The following DCAF6 variants were observed in gnomAD, a reference collection of about 807,000 sequenced individuals.
DCAF6 encodes the protein DDB1 and CUL4 associated factor 6, also known as DDB1- and CUL4-associated factor 6.
Under a neutral mutation model 125.1 loss-of-function variants are expected in DCAF6, and 54 were observed. That is an observed-to-expected ratio of 0.43 (90% confidence interval 0.35 to 0.54). The LOEUF is 0.54. DCAF6 is among the 20% of genes least tolerant of loss of function. The pLI is 0.01. For synonymous variants in DCAF6, 371 were observed against 390.4 expected (o/e 0.95, Z 0.58); for missense variants, 934 against 1,161.7 (o/e 0.80, Z 2.85).
intron 2 of DCAF6, among the ~76,000 whole-genome samples, chr1:167,964,567 G>A (rs1453228988): frequency 6.6e-6 from 1 of 152,142 alleles, no homozygotes; most frequent in Admixed American, 6.5e-5. Flanking sequence ...GAGCTTACTG[G>A]ATCTATGGTT....
chr1:167,869,074 C>T, the DCAF6 span, among the ~76,000 whole-genome samples: 1 of 152,118 alleles, frequency 6.6e-6, no homozygotes, highest in Admixed American at 6.5e-5. Flanking sequence ...TAGTTAAAGA[C>T]GTAGTTAAAG....
At chr1:167,962,713 T>C (rs991106070) in intron 2 of DCAF6, among the ~76,000 whole-genome samples, 1 of 152,178 alleles carries the variant, frequency 6.6e-6, no homozygotes, top group Non-Finnish European at 1.5e-5. Context: ...CCCAGCACTT[T>C]GGGAGGTCGA....
At chr1:168,044,727 T>C in intron 15 of DCAF6, 56 bp downstream of exon 15, 1 of 1,483,634 alleles carries the variant, frequency 6.7e-7, no homozygotes, top group Non-Finnish European at 9.4e-7. Context: ...AGCCTTAATC[T>C]ATGTTAATCT....
chr1:167,988,613 T>G (rs1680358444), intron 5 of DCAF6, among the ~76,000 whole-genome samples: 1 of 151,616 alleles, frequency 6.6e-6, no homozygotes, highest in South Asian at 2.1e-4. Context: ...GTAAATGAAA[T>G]AAGAAAGTAC....
chr1:167,974,823 GT>G lies in DCAF6; in HGVS notation c.253-3del. 6.6e-7 allele frequency: 1 copy of G among 1,512,718 alleles called. No individual in the cohort carries two copies. Among genetic ancestry groups the G allele is most frequent in the South Asian group, 1.4e-5 (1 of 70,768 alleles). The allele number at this position is 1,512,718 out of a possible 1,614,324, so 93.7% of individuals were successfully genotyped here. On this transcript the variant is annotated splice_region_variant and splice_polypyrimidine_tract_variant and intron_variant, in intron 3 of 21. Transcript: ENST00000367840. ...TTACCATTAACTGCTTTCTTTGTGT[GT>G]TTTAGGTTTTGACAACAATTCGTTC...
chr1:167,921,573 C>T, the DCAF6 span, among the ~76,000 whole-genome samples: 1 of 152,136 alleles, frequency 6.6e-6, no homozygotes, highest in African/African-American at 2.4e-5. Context: ...GGCCATTTCT[C>T]TTCTGTGTTT....
At chr1:167,905,763 GC>G in the DCAF6 span, among the ~76,000 whole-genome samples, 4 of 149,646 alleles carry the variant, frequency 2.7e-5, no homozygotes, top group Non-Finnish European at 5.9e-5. Flanking sequence ...TGTGTGTGTG[GC>G]AGCTGGAAAG....
the DCAF6 span, chr1:167,870,184 A>G: frequency 6.5e-7 from 1 of 1,542,042 alleles, no homozygotes; most frequent in Non-Finnish European, 9.0e-7. Flanking sequence ...GGCAAGTTAT[A>G]GGAAGGAGAG....
the DCAF6 span, among the ~76,000 whole-genome samples, chr1:167,899,781 T>G: frequency 4.6e-5 from 7 of 152,214 alleles, no homozygotes; most frequent in African/African-American, 9.7e-5. Flanking sequence ...ATGGCATACC[T>G]CTTTTGGGCT....
the DCAF6 span, among the ~76,000 whole-genome samples, chr1:167,926,826 C>G: frequency 6.6e-6 from 1 of 152,180 alleles, no homozygotes; most frequent in Admixed American, 6.5e-5. Flanking sequence ...TTCTCAATAT[C>G]CTGCTTAGTC....
At position 168,041,892 on chromosome 1, in the gene DCAF6, G is replaced by A. The variant is rs753106040; in HGVS notation, c.1728-1133G>A. On this transcript the variant is annotated intron_variant, in intron 13 of 21. Coordinates refer to ENST00000367840, the MANE Select transcript of DCAF6 (RefSeq NM_001198956.2). ...GGTTTAAAAGAAATACATGTTTGTC[G>A]CGCACACACACACACACACACACAC... Among the ~76,000 whole-genome samples the A allele has an allele frequency of 3.8e-4, 46 of 119,848 alleles. 1 individual carries two copies. In the South Asian group the frequency reaches 0.011, roughly 29 times the overall value. The allele number at this position is 119,848 out of a possible 152,430, so 78.6% of individuals were successfully genotyped here. A position where few individuals can be genotyped will look rare whatever the true frequency, so the allele number is the denominator to read the frequency against.
At chr1:168,013,194 CATTT>C (rs1684530943) in intron 10 of DCAF6, among the ~76,000 whole-genome samples, 1 of 152,218 alleles carries the variant, frequency 6.6e-6, no homozygotes, top group South Asian at 2.1e-4. Flanking sequence ...TGAGCATCAC[CATTT>C]GTTTGTCAAT....
intron 1 of DCAF6, among the ~76,000 whole-genome samples, chr1:167,942,149 T>C (rs1028533579): frequency 2.0e-5 from 3 of 152,224 alleles, no homozygotes; most frequent in Admixed American, 1.3e-4. Context: ...TACCGCAACC[T>C]CTGCCTGCTG....
chr1:168,036,530 TA>T (rs1484281600), intron 12 of DCAF6, among the ~76,000 whole-genome samples: 1 of 152,238 alleles, frequency 6.6e-6, no homozygotes, highest in Non-Finnish European at 1.5e-5. Flanking sequence ...ATCCAATCTT[TA>T]GCTGTCTGTT....
chr1:167,895,661 A>G, the DCAF6 span, among the ~76,000 whole-genome samples: 72 of 152,172 alleles, frequency 4.7e-4, no homozygotes, highest in Non-Finnish European at 9.6e-4. Context: ...CTGTCCTAGA[A>G]TTCAGGACAA....
In DCAF6 at chr1:167,949,945, C is replaced by T. The variant is rs559599874; in HGVS notation, c.98-1855C>T. Among the ~76,000 whole-genome samples, 26 of 152,186 alleles carry T rather than the reference C, an allele frequency of 1.7e-4. No individual in the cohort carries two copies. In the South Asian group the frequency reaches 4.8e-3, roughly 28 times the overall value. ...AAGCACACTTTATGAGATGTCTGGA[C>T]GATGCAATAAATTTTATCTCCAAAG... On this transcript the variant is annotated intron_variant, in intron 1 of 21. Coordinates refer to ENST00000367840, the MANE Select transcript of DCAF6 (RefSeq NM_001198956.2).
intron 17 of DCAF6, chr1:168,055,801 A>G (rs1182215344): frequency 2.1e-5 from 17 of 824,048 alleles, no homozygotes; most frequent in Non-Finnish European, 3.0e-5. Flanking sequence ...CCCATCGGTA[A>G]TACTAAAAGT....
chr1:167,877,327 A>G, the DCAF6 span, among the ~76,000 whole-genome samples: 14 of 151,442 alleles, frequency 9.2e-5, no homozygotes, highest in Non-Finnish European at 1.9e-4. Flanking sequence ...ATTATTATTC[A>G]TTCATGTATT....
At chr1:168,017,433 T>C (rs991197435) in intron 11 of DCAF6, among the ~76,000 whole-genome samples, 1 of 152,102 alleles carries the variant, frequency 6.6e-6, no homozygotes, top group Admixed American at 6.5e-5. Context: ...AAGTATACAT[T>C]GTAGATGTTG....
Sources: allele counts gnomAD v4.1 joint callset (sites outside exome capture counted in the v4.1 genomes callset), GRCh38; gene constraint gnomAD v4.1.1; transcripts MANE v1.5; gene names NCBI Gene and HGNC (gene_info 2026-07-23, HGNC 2026-07-21).